Variants in IQSEC1 observed in about 807,000 individuals in gnomAD.
IQSEC1 encodes IQ motif and Sec7 domain ArfGEF 1, also known as IQ motif and SEC7 domain-containing protein 1.
Under a neutral mutation model 91.0 loss-of-function variants are expected in IQSEC1, and 31 were observed. The observed-to-expected ratio is 0.34, with a 90% CI of 0.26 to 0.46. The LOEUF is 0.46. Among genes scored for constraint, IQSEC1 ranks in the 20% least tolerant of loss-of-function variants. The probability of loss-of-function intolerance (pLI) is 1.00; values close to 1 mark genes in which losing one functional copy is unlikely to be tolerated. For missense variants in IQSEC1, 1,388 were observed against 1,575.6 expected (o/e 0.88, Z 2.02); for synonymous variants, 699 against 662.6 (o/e 1.05, Z -0.84).
intron 2 of IQSEC1, among the ~76,000 whole-genome samples, chr3:13,156,564 C>A (rs1707088830): frequency 6.6e-6 from 1 of 152,224 alleles, no homozygotes; most frequent in Admixed American, 6.5e-5. Context: ...TCCAGAGGTG[C>A]TCCCCTTGGA....
At chr3:13,144,871 G>A (rs535553465) in intron 2 of IQSEC1, among the ~76,000 whole-genome samples, 25 of 152,352 alleles carry the variant, frequency 1.6e-4, no homozygotes, top group African/African-American at 4.1e-4. Context: ...CGCTTGGGCC[G>A]AAGCGAATCC....
chr3:12,931,565 C>T (rs1363665169), intron 3 of IQSEC1, among the ~76,000 whole-genome samples: 1 of 152,226 alleles, frequency 6.6e-6, no homozygotes, highest in African/African-American at 2.4e-5. Context: ...TTATCAATGA[C>T]AGCAGACACG....
chr3:13,028,704 G>T (rs919960885), intron 1 of IQSEC1, among the ~76,000 whole-genome samples: 1 of 152,246 alleles, frequency 6.6e-6, no homozygotes, highest in Non-Finnish European at 1.5e-5. Flanking sequence ...TCAGCCATGG[G>T]GAGGGCAGAT....
chr3:12,899,395 A>T lies in IQSEC1; in HGVS notation c.*1588T>A, dbSNP rs775517449. The T allele has an allele frequency of 8.1e-6, 13 of 1,613,044 alleles. No homozygotes were observed. The highest frequency in any genetic ancestry group is 5.9e-6 in the Non-Finnish European group (7 of 1,179,826). ...CAGTCCTCGGGTCCCATGGCTTAGGAGCACAGCACTGACGGCTGCAGTGGC... is the reference window on the plus strand; with the variant it reads ...CAGTCCTCGGGTCCCATGGCTTAGGTGCACAGCACTGACGGCTGCAGTGGC... On this transcript the variant is annotated 3_prime_UTR_variant, in exon 14 of 14. Transcript: ENST00000613206.
chr3:13,232,586 A>G (rs1324734358), intron 1 of IQSEC1, among the ~76,000 whole-genome samples: 1 of 152,170 alleles, frequency 6.6e-6, no homozygotes, highest in Non-Finnish European at 1.5e-5. Context: ...CTGGGGAGAG[A>G]GGGCAGGGGG....
chr3:13,104,652 G>A (rs1443457370), intron 2 of IQSEC1, among the ~76,000 whole-genome samples: 1 of 152,162 alleles, frequency 6.6e-6, no homozygotes, highest in East Asian at 1.9e-4. Flanking sequence ...CCCCTCCGGT[G>A]GCCCTGGCTC....
chr3:13,127,851 T>C (rs915281808), intron 2 of IQSEC1, among the ~76,000 whole-genome samples: 5 of 152,248 alleles, frequency 3.3e-5, no homozygotes, highest in African/African-American at 1.2e-4. Flanking sequence ...AAATCCCATA[T>C]GTTTTCAGTA....
Position 12,922,204 on chromosome 3 carries a change from A to T in IQSEC1, c.1769T>A (p.Leu590Gln). 6.2e-7 allele frequency: 1 copy of T among 1,608,388 alleles called. No individual in the cohort carries two copies. The highest frequency in any genetic ancestry group is 2.3e-5 in the East Asian group (1 of 44,380). ...CTGGAATTTCCTGAGGGCCTCATCC[A>T]GCTCCATGGTAGAGAAGTCCATCTC... ...VDEMDFSTMELDEALRKFQAH... is the reference protein window; with the variant it reads ...VDEMDFSTMEQDEALRKFQAH... The change falls in exon 5 of 14, where the codon CTG becomes CAG. Residue 590 changes from leucine to glutamine, a missense_variant. Physicochemically the swap from Leu to Gln is moderately radical, Grantham distance 113. Transcript: ENST00000613206. This position sits in a 1 kb window ranked among gnomAD's most constrained non-coding sequence, Gnocchi z 5.1.
At chr3:13,163,598 T>A (rs557465748) in intron 2 of IQSEC1, among the ~76,000 whole-genome samples, 3 of 152,194 alleles carry the variant, frequency 2.0e-5, no homozygotes, top group Non-Finnish European at 4.4e-5. Context: ...GCCCACTCCA[T>A]GTCCACCCCC....
At chr3:12,978,621 C>T (rs1701302425) in intron 1 of IQSEC1, among the ~76,000 whole-genome samples, 1 of 151,982 alleles carries the variant, frequency 6.6e-6, no homozygotes, top group Admixed American at 6.6e-5. Context: ...AGGAGAATCA[C>T]TTGAACCCTG....
At position 13,026,876 on chromosome 3, in the gene IQSEC1, T is replaced by G. The variant is rs568356853; in HGVS notation, c.23+46116A>C. On this transcript the variant is annotated intron_variant, in intron 1 of 13. Coordinates refer to ENST00000613206, the MANE Select transcript of IQSEC1 (RefSeq NM_001134382.3). ...TATTATCTCCCCAGTTTTTTTTTTT[T>G]TTGTTTGTTTTTTTTTTTACCAATT... 3.5e-3 allele frequency among the ~76,000 whole-genome samples: 175 copies of G among 49,324 alleles called. 1 individual carries two copies. Among genetic ancestry groups the G allele is most frequent in the African/African-American group, 6.7e-3 (150 of 22,376 alleles). 32.4% of individuals were successfully genotyped at this position (49,324 alleles called of 152,430 possible). A position where few individuals can be genotyped will look rare whatever the true frequency, so the allele number is the denominator to read the frequency against.
At chr3:12,901,644 G>A in intron 13 of IQSEC1, 122 bp from the exon 14 acceptor site, 1 of 831,678 alleles carries the variant, frequency 1.2e-6, no homozygotes, top group Non-Finnish European at 1.9e-6. Flanking sequence ...TCAACTCACT[G>A]GCCAGAGGGT....
chr3:13,237,139 T>C (rs1694944431), intron 1 of IQSEC1, among the ~76,000 whole-genome samples: 1 of 152,204 alleles, frequency 6.6e-6, no homozygotes, highest in Non-Finnish European at 1.5e-5. Context: ...GCTGCTTCCA[T>C]AGAGGTTTCT....
intron 2 of IQSEC1, among the ~76,000 whole-genome samples, chr3:13,104,401 C>CTT (rs1477265814): frequency 6.6e-6 from 1 of 152,162 alleles, no homozygotes; most frequent in Non-Finnish European, 1.5e-5. Flanking sequence ...AATTCCACTT[C>CTT]CATCTTCCTT....
intron 6 of IQSEC1, 108 bp from the exon 7 acceptor site, chr3:12,915,841 C>G: frequency 6.2e-6 from 8 of 1,284,072 alleles, no homozygotes; most frequent in Non-Finnish European, 7.6e-6. Context: ...CCAACAGAAC[C>G]AAAGAACTCC....
At chr3:13,094,568 C>T (rs1272679688) in intron 2 of IQSEC1, among the ~76,000 whole-genome samples, 1 of 152,210 alleles carries the variant, frequency 6.6e-6, no homozygotes, top group East Asian at 1.9e-4. Flanking sequence ...CACCCCCCAC[C>T]TGGTGCCAGA....
At chr3:13,277,873 C>T (rs1402080243) in intron 1 of IQSEC1, among the ~76,000 whole-genome samples, 1 of 152,138 alleles carries the variant, frequency 6.6e-6, no homozygotes, top group Non-Finnish European at 1.5e-5. Context: ...TGCCCTCAGC[C>T]CCCCGCCCCT....
rs1559596096 is a variant in IQSEC1, at chr3:12,901,284, G to C, written c.3044C>G (p.Pro1015Arg). Reference protein sequence around the residue: ...QHSVAGHHLGPPEGLPQAAMH... With the variant: ...QHSVAGHHLGRPEGLPQAAMH... ...GGCGGCCTGCGGCAGCCCCTCTGGG[G>C]GCCCCAGGTGGTGGCCAGCCACAGA... is the stretch of plus-strand genomic sequence containing the variant. Residue 1015 changes from proline to arginine, a missense_variant, in exon 14 of 14, where the codon CCC becomes CGC. This residue lies in a region of IQSEC1 where 329 missense variants were observed against 257.8 expected (regional missense o/e 1.28). Transcript: ENST00000613206. 1 of 1,548,432 alleles carries C rather than the reference G, an allele frequency of 6.5e-7. No homozygotes were observed. Among genetic ancestry groups the C allele is most frequent in the Admixed American group, 2.0e-5 (1 of 50,964 alleles).
At chr3:12,944,631 A>G (rs1699053285) in intron 1 of IQSEC1, among the ~76,000 whole-genome samples, 1 of 152,184 alleles carries the variant, frequency 6.6e-6, no homozygotes, top group Non-Finnish European at 1.5e-5. Context: ...TCAGGCGCCA[A>G]ATCTGTGCTT....
Sources: allele counts gnomAD v4.1 joint callset (sites outside exome capture counted in the v4.1 genomes callset), GRCh38; gene constraint gnomAD v4.1.1; regional missense constraint gnomAD v4.1.1; non-coding constraint Gnocchi (gnomAD v3.1); transcripts MANE v1.5; gene names NCBI Gene and HGNC (gene_info 2026-07-23, HGNC 2026-07-21).